Variants in ABI3BP observed in about 807,000 individuals in gnomAD.
ABI3BP encodes ABI family member 3 binding protein, also known as target of Nesh-SH3.
ABI3BP carries 216 observed loss-of-function variants against 268.6 expected under a neutral mutation model. The ratio of observed to expected loss-of-function variants is 0.80; its 90% CI spans 0.72 to 0.90. ABI3BP has a LOEUF of 0.90. ABI3BP is among the 40% of genes least tolerant of loss of function. The pLI, the probability that ABI3BP is intolerant of heterozygous loss-of-function variation, is 0.00. For missense variants in ABI3BP, 2,090 were observed against 2,182.4 expected (o/e 0.96, Z 0.84); for synonymous variants, 730 against 730.0 (o/e 1.00, Z 0.00).
intron 4 of ABI3BP, among the ~76,000 whole-genome samples, chr3:100,888,483 T>C (rs1304119011): frequency 1.3e-5 from 2 of 152,136 alleles, no homozygotes; most frequent in Non-Finnish European, 2.9e-5. Flanking sequence ...GCTTTCATGA[T>C]GCAGGAGTCC....
intron 51 of ABI3BP, among the ~76,000 whole-genome samples, chr3:100,801,125 T>C (rs546432057): frequency 6.6e-6 from 1 of 152,118 alleles, no homozygotes; most frequent in South Asian, 2.1e-4. Flanking sequence ...CATGCATTAG[T>C]GCATTTTTTT....
intron 51 of ABI3BP, among the ~76,000 whole-genome samples, chr3:100,800,226 T>G (rs2097490041): frequency 6.9e-6 from 1 of 145,472 alleles, no homozygotes; most frequent in African/African-American, 2.7e-5. Context: ...TTTTTTTTTT[T>G]GCCTGTTAAT....
At position 100,862,319 on chromosome 3, in the gene ABI3BP, G is replaced by A. The variant is rs1277852629; in HGVS notation, c.1277C>T (p.Pro426Leu). 6 of 1,598,278 alleles carry A rather than the reference G, an allele frequency of 3.8e-6. No individual in the cohort carries two copies. The African/African-American group carries it at 4.0e-5, about 11-fold the overall frequency. ...GAAAAGGATTTAATTACCAGTTTGA[G>A]GCTGCAGAACTTTGGAATCTTCAGA... ...KISEDSKVLQ[P>L]QTATYDVFSS... Residue 426 changes from proline to leucine, a missense_variant, in exon 14 of 68, where the codon CCT becomes CTT. By Grantham distance (98) the Pro-to-Leu change is moderately conservative. Transcript: ENST00000471714.
chr3:100,949,551 C>T (rs1403114685), intron 1 of ABI3BP, among the ~76,000 whole-genome samples: 2 of 152,200 alleles, frequency 1.3e-5, no homozygotes, highest in Non-Finnish European at 2.9e-5. Context: ...CAGGCATGAG[C>T]CACCTTGCCT....
chr3:100,778,842 AG>A (rs1410613365), intron 58 of ABI3BP, among the ~76,000 whole-genome samples: 2 of 152,216 alleles, frequency 1.3e-5, no homozygotes, highest in Non-Finnish European at 2.9e-5. Context: ...ATTTTATATA[AG>A]GGATTTGAGC....
At chr3:100,955,402 A>C (rs1427556903) in intron 1 of ABI3BP, among the ~76,000 whole-genome samples, 9 of 152,146 alleles carry the variant, frequency 5.9e-5, no homozygotes, top group African/African-American at 1.9e-4. Context: ...GTTCATTGGG[A>C]CTATTTTTTT....
intron 6 of ABI3BP, among the ~76,000 whole-genome samples, chr3:100,876,881 G>C (rs1427807912): frequency 6.6e-6 from 1 of 152,050 alleles, no homozygotes; most frequent in Non-Finnish European, 1.5e-5. Context: ...TCAGCTACTT[G>C]GGAGGCTAAG....
intron 63 of ABI3BP, among the ~76,000 whole-genome samples, chr3:100,760,279 CAATG>C (rs1359766727): frequency 3.3e-5 from 5 of 152,122 alleles, no homozygotes; most frequent in Non-Finnish European, 7.4e-5. Flanking sequence ...CTGGCACACA[CAATG>C]AATTCTTTAA....
chr3:100,863,048 A>G (rs1580992688), intron 12 of ABI3BP, 139 bp from the exon 13 acceptor site: 1 of 614,626 alleles, frequency 1.6e-6, no homozygotes, highest in Non-Finnish European at 2.8e-6. Flanking sequence ...TATTTCTTAC[A>G]TCTATGTTTC....
In ABI3BP at chr3:100,821,087, T is replaced by C; in HGVS notation, c.2914A>G (p.Thr972Ala). The change falls in exon 39 of 68, where the codon ACA becomes GCA. Residue 972 changes from threonine (T) to alanine (A), a missense_variant. Thr to Ala is a moderately conservative substitution (Grantham distance 58). Coordinates refer to ENST00000471714, the MANE Select transcript of ABI3BP (RefSeq NM_001375547.2). ...PVPTAELKPVTLRTETWVTTQ... is the reference protein window; with the variant it reads ...PVPTAELKPVALRTETWVTTQ... ...GTCACCCAAGTCTCAGTTCTGAGTG[T>C]AACAGGTTTGAGCTCCGCAGTAGGA... The C allele has an allele frequency of 6.5e-7, 1 of 1,535,982 alleles. No individual in the cohort carries two copies. The highest frequency in any genetic ancestry group is 8.7e-7 in the Non-Finnish European group (1 of 1,146,768).
rs1379487805 is a variant in ABI3BP at position 100,808,251 on chromosome 3, T to C, written c.3608-16A>G. ...TGCTTGGGAGCTAAAAGAAAGGATA[T>C]AGGTTCGGAAATCTTGAGCCCTTCA... On this transcript the variant is annotated splice_polypyrimidine_tract_variant and intron_variant, in intron 49 of 67. Coordinates refer to ENST00000471714, the MANE Select transcript of ABI3BP (RefSeq NM_001375547.2). 18 of 1,593,622 alleles carry C rather than the reference T, an allele frequency of 1.1e-5. No homozygotes were observed. Among genetic ancestry groups the C allele is most frequent in the Non-Finnish European group, 1.5e-5 (17 of 1,169,924 alleles).
chr3:100,941,565 A>G (rs147408168), intron 1 of ABI3BP, among the ~76,000 whole-genome samples: 1 of 152,258 alleles, frequency 6.6e-6, no homozygotes, highest in Non-Finnish European at 1.5e-5. Flanking sequence ...GTTCCAATTC[A>G]GCTAAAACCA....
chr3:100,993,049 C>T (rs945271530), intron 1 of ABI3BP, among the ~76,000 whole-genome samples: 2 of 152,170 alleles, frequency 1.3e-5, no homozygotes, highest in Non-Finnish European at 2.9e-5. Flanking sequence ...AGAAAGTATA[C>T]AGTTCAAGCT....
chr3:100,790,809 A>G (rs1218605113), intron 55 of ABI3BP, among the ~76,000 whole-genome samples: 1 of 151,942 alleles, frequency 6.6e-6, no homozygotes, highest in Non-Finnish European at 1.5e-5. Context: ...GCTTCTGCTT[A>G]AAAAAGATAA....
intron 1 of ABI3BP, among the ~76,000 whole-genome samples, chr3:100,946,011 T>C (rs2072004772): frequency 6.6e-6 from 1 of 152,140 alleles, no homozygotes; most frequent in Non-Finnish European, 1.5e-5. Flanking sequence ...TCAATGTCAC[T>C]AAATATACGT....
At chr3:100,984,748 C>T (rs1345676604) in intron 1 of ABI3BP, among the ~76,000 whole-genome samples, 1 of 152,148 alleles carries the variant, frequency 6.6e-6, no homozygotes, top group Admixed American at 6.5e-5. Flanking sequence ...TCTTGCTGTC[C>T]ACAGAACTTT....
At chr3:100,775,492 A>G (rs2096672614) in intron 59 of ABI3BP, among the ~76,000 whole-genome samples, 157 bp from the exon 60 acceptor site, 1 of 152,138 alleles carries the variant, frequency 6.6e-6, no homozygotes, top group South Asian at 2.1e-4. Flanking sequence ...CTTGGTGGAG[A>G]TAGATGTATG....
chr3:100,776,169 ATTGAATTTTATG>A (rs2096698203), intron 59 of ABI3BP, among the ~76,000 whole-genome samples: 1 of 152,142 alleles, frequency 6.6e-6, no homozygotes, highest in Admixed American at 6.5e-5. Context: ...AGGAGACTAG[ATTGAATTTTATG>A]TTCCACCGGG....
intron 57 of ABI3BP, among the ~76,000 whole-genome samples, chr3:100,785,303 A>T (rs573400479): frequency 1.0e-3 from 152 of 152,196 alleles, no homozygotes; most frequent in Non-Finnish European, 1.6e-3. Flanking sequence ...TGGATGAGAC[A>T]GTAGAATTGT....
Sources: allele counts gnomAD v4.1 joint callset (sites outside exome capture counted in the v4.1 genomes callset), GRCh38; gene constraint gnomAD v4.1.1; transcripts MANE v1.5; gene names NCBI Gene and HGNC (gene_info 2026-07-23, HGNC 2026-07-21).